The following SDK2 variants were observed in gnomAD, a reference collection of about 807,000 sequenced individuals.
SDK2 encodes sidekick cell adhesion molecule 2.
A neutral mutation model predicts 253.9 loss-of-function variants in SDK2; 105 were observed. The ratio of observed to expected loss-of-function variants is 0.41; its 90% confidence interval spans 0.35 to 0.49. SDK2 has a LOEUF of 0.49. Ranked by LOEUF, SDK2 falls within the 20% of genes least tolerant of loss-of-function variation. SDK2 has a pLI of 0.06. For synonymous variants in SDK2, 1,249 were observed against 1,234.9 expected, an observed-to-expected ratio of 1.01 and a Z score of -0.24; for missense variants, 2,608 against 3,003.0, an observed-to-expected ratio of 0.87 and a Z score of 3.07.
intron 2 of SDK2, among the ~76,000 whole-genome samples, chr17:73,489,481 G>A (rs1440063194): frequency 6.6e-6 from 1 of 152,200 alleles, no homozygotes; most frequent in Non-Finnish European, 1.5e-5. Flanking sequence ...AGTTGTGATG[G>A]CATGAACCCT....
intron 16 of SDK2, 96 bp downstream of exon 16, chr17:73,419,070 C>A: frequency 7.2e-7 from 1 of 1,390,592 alleles, no homozygotes; most frequent in Non-Finnish European, 9.9e-7. Flanking sequence ...GGCGAAGGGC[C>A]TGCCATGAAT....
chr17:73,483,468 C>T (rs1304496015), intron 2 of SDK2, among the ~76,000 whole-genome samples: 1 of 143,360 alleles, frequency 7.0e-6, no homozygotes, highest in African/African-American at 2.6e-5. Flanking sequence ...ACCACCACAC[C>T]TGGCTAATCT....
chr17:73,368,186 T>C (rs1292747175), intron 37 of SDK2, among the ~76,000 whole-genome samples: 1 of 151,790 alleles, frequency 6.6e-6, no homozygotes, highest in Non-Finnish European at 1.5e-5. Flanking sequence ...AGGGATGAGG[T>C]GTGGGGGTTT....
chr17:73,440,861 C>T lies in SDK2; in HGVS notation c.676G>A (p.Val226Met), dbSNP rs1377525340. 2.3e-5 allele frequency: 36 copies of T among 1,551,622 alleles called. No individual in the cohort carries two copies. Among genetic ancestry groups the T allele is most frequent in the South Asian group, 3.6e-5 (3 of 84,062 alleles). ...GTAACCTCTGAGGTGCCGGCCACCA[C>T]GCTGGTGTTTTTAGGTGGGATGATG... is the stretch of plus-strand genomic sequence containing the variant. ...TIIIPPKNTS[V>M]VAGTSEVTLE... Residue 226 changes from valine (V) to methionine (M), a missense_variant, in exon 6 of 45, where the codon GTG becomes ATG. Val to Met is a conservative substitution (Grantham distance 21, BLOSUM62 1). Around this residue, in one of 2 missense-constraint regions of SDK2, gnomAD observed 1,505 missense variants for 1,859.1 expected, o/e 0.81. Coordinates refer to ENST00000392650, the MANE Select transcript of SDK2 (RefSeq NM_001144952.2).
intron 1 of SDK2, among the ~76,000 whole-genome samples, chr17:73,581,531 C>A (rs756671691): frequency 6.6e-6 from 1 of 152,238 alleles, no homozygotes; most frequent in East Asian, 1.9e-4. Flanking sequence ...GGCTTAGAGG[C>A]TTTTAGGCCC....
intron 3 of SDK2, among the ~76,000 whole-genome samples, chr17:73,457,590 A>T (rs2063537799): frequency 6.6e-6 from 1 of 151,484 alleles, no homozygotes; most frequent in Non-Finnish European, 1.5e-5. Context: ...ACCTAAAGTG[A>T]TCCGCCCGCC....
chr17:73,611,818 C>T (rs1037162420), intron 1 of SDK2, among the ~76,000 whole-genome samples: 3 of 152,230 alleles, frequency 2.0e-5, no homozygotes, highest in Admixed American at 6.5e-5. Context: ...TCTGCCCGGC[C>T]CCTGCCCCTG....
intron 1 of SDK2, among the ~76,000 whole-genome samples, chr17:73,560,312 C>T (rs1034686761): frequency 6.6e-6 from 1 of 152,150 alleles, no homozygotes; most frequent in African/African-American, 2.4e-5. Flanking sequence ...GCTCTGCACC[C>T]GACCGTGCCT....
At chr17:73,394,924 G>A (rs2062957633) in intron 25 of SDK2, among the ~76,000 whole-genome samples, 1 of 152,128 alleles carries the variant, frequency 6.6e-6, no homozygotes, top group African/African-American at 2.4e-5. Flanking sequence ...CCAGAGGCAG[G>A]GATACCCCCG....
chr17:73,443,186 T>C lies in SDK2; in HGVS notation c.614-2263A>G, dbSNP rs1479972033. On this transcript the variant is annotated intron_variant, in intron 5 of 44. Coordinates refer to ENST00000392650, the MANE Select transcript of SDK2 (RefSeq NM_001144952.2). This position sits in a 1 kb window ranked among gnomAD's most constrained non-coding sequence, Gnocchi z 4.6. ...GCCCCACTGCCCCTCTGGGCCACCT[T>C]GTCAGCCCTGGGCAGGTTTTCCTTC... Among the ~76,000 whole-genome samples, 1 of 152,144 alleles carries C rather than the reference T, an allele frequency of 6.6e-6. No homozygotes were observed. The highest frequency in any genetic ancestry group is 1.5e-5 in the Non-Finnish European group (1 of 68,030).
intron 40 of SDK2, among the ~76,000 whole-genome samples, chr17:73,356,285 C>T (rs564205539): frequency 3.3e-5 from 5 of 152,296 alleles, no homozygotes; most frequent in African/African-American, 1.2e-4. Flanking sequence ...GCTGTTTAAC[C>T]CCCCTTGTTC....
At chr17:73,562,601 G>A (rs1441702460) in intron 1 of SDK2, among the ~76,000 whole-genome samples, 1 of 152,238 alleles carries the variant, frequency 6.6e-6, no homozygotes, top group East Asian at 1.9e-4. Context: ...AGGGGGTTGG[G>A]AGGTGGTTCT....
chr17:73,543,050 C>T (rs1249472822), intron 1 of SDK2, among the ~76,000 whole-genome samples: 1 of 152,178 alleles, frequency 6.6e-6, no homozygotes, highest in East Asian at 1.9e-4. Context: ...GCGCAGTTTC[C>T]TCATCTGCAA....
At chr17:73,390,711 T>C (rs1048660174) in intron 28 of SDK2, among the ~76,000 whole-genome samples, 3 of 152,302 alleles carry the variant, frequency 2.0e-5, no homozygotes, top group African/African-American at 7.2e-5. Flanking sequence ...CTATGCACAG[T>C]GTCTGTGACC....
At chr17:73,433,994 G>T (rs1180912948) in intron 9 of SDK2, 146 bp from the exon 10 acceptor site, 3 of 609,330 alleles carry the variant, frequency 4.9e-6, no homozygotes, top group East Asian at 5.8e-5. Flanking sequence ...AAGGATGTAG[G>T]CATCTTGATG....
chr17:73,484,304 C>G (rs1049235791), intron 2 of SDK2, among the ~76,000 whole-genome samples: 1 of 152,232 alleles, frequency 6.6e-6, no homozygotes, highest in Non-Finnish European at 1.5e-5. Flanking sequence ...GGGGCTGGGG[C>G]TCTGTGGCCG....
chr17:73,409,186 AT>A (rs1192689237), intron 18 of SDK2, among the ~76,000 whole-genome samples: 2 of 152,110 alleles, frequency 1.3e-5, no homozygotes, highest in Non-Finnish European at 2.9e-5. Context: ...AATTTTCACA[AT>A]TAAAAGGGGG....
chr17:73,464,960 T>C (rs903589703), intron 3 of SDK2, among the ~76,000 whole-genome samples: 1 of 152,212 alleles, frequency 6.6e-6, no homozygotes, highest in Non-Finnish European at 1.5e-5. Flanking sequence ...TTGTCTCTCG[T>C]TGTGTCCCCA....
chr17:73,516,444 A>G (rs1430879089), intron 1 of SDK2, among the ~76,000 whole-genome samples: 1 of 152,190 alleles, frequency 6.6e-6, no homozygotes, highest in Non-Finnish European at 1.5e-5. Flanking sequence ...GCTCCTGGCG[A>G]GTCCCTTCCC....
Sources: gnomAD v4.1 joint callset for allele counts (sites outside exome capture counted in the v4.1 genomes callset) on GRCh38, gnomAD v4.1.1 for gene constraint, gnomAD v4.1.1 regional missense constraint, Gnocchi (gnomAD v3.1) non-coding constraint, MANE v1.5 for transcripts, NCBI Gene and HGNC (gene_info 2026-07-23, HGNC 2026-07-21) for gene names.